The following FN1 variants were observed in gnomAD, a reference collection of about 807,000 sequenced individuals.
FN1 encodes fibronectin 1.
FN1 carries 106 observed loss-of-function variants against 297.3 expected under a neutral mutation model. The ratio of observed to expected loss-of-function variants is 0.36; its 90% CI spans 0.30 to 0.42. The LOEUF (loss-of-function observed/expected upper bound fraction) is 0.42, where lower values mean the gene tolerates loss of function less well. Ranked by LOEUF, FN1 falls within the 10% of genes least tolerant of loss-of-function variation. The probability of loss-of-function intolerance (pLI) is 1.00; values close to 1 mark genes in which losing one functional copy is unlikely to be tolerated. For synonymous variants in FN1, 1,149 were observed against 1,152.6 expected (o/e 1.00, Z 0.06); for missense variants, 2,690 against 3,124.9 (o/e 0.86, Z 3.32).
chr2:215,411,055 G>C (rs2062555558), intron 13 of FN1, among the ~76,000 whole-genome samples: 1 of 152,168 alleles, frequency 6.6e-6, no homozygotes, highest in African/African-American at 2.4e-5. Context: ...AACGAGTCTG[G>C]TTTTGTGACT....
rs1278471603 is a variant in FN1, at chr2:215,380,866, C to T, written c.5379G>A (p.Val1793=). The T allele has an allele frequency of 1.2e-6, 2 of 1,614,084 alleles. No homozygotes were observed. Among genetic ancestry groups the T allele is most frequent in the Admixed American group, 1.7e-5 (1 of 60,010 alleles). The change falls in exon 33 of 46, where the codon GTG becomes GTA. Residue 1793 remains valine (V), a synonymous_variant. Transcript: ENST00000354785. ...TCTCCATATCATCGTGCAAGGCAAC[C>T]ACACTGACTGTGTACTCAGAACCCG... The part of the protein sequence containing the change: ...LRPGSEYTVS[V]VALHDDMESQ...
Position 215,372,141 on chromosome 2 carries a change from C to G in FN1, c.6482G>C (p.Arg2161Thr). ...TTPPTTATPI[R>T]HRPRPYPPNV... The stretch of plus-strand genomic sequence containing the variant: ...CGGCGGGTATGGTCTTGGCCTATGC[C>G]TTATGGGGGTGGCCGTTGTGGGCGG... The change falls in exon 40 of 46, where the codon AGG becomes ACG. Residue 2161 changes from arginine to threonine, a missense_variant. Transcript: ENST00000354785. 6.2e-7 allele frequency: 1 copy of G among 1,614,216 alleles called. No homozygotes were observed.
At chr2:215,414,018 GA>G (rs1224718889) in intron 13 of FN1, among the ~76,000 whole-genome samples, 1 of 152,136 alleles carries the variant, frequency 6.6e-6, no homozygotes, top group Non-Finnish European at 1.5e-5. Context: ...AATTTTTCCT[GA>G]AGAGTTTAAA....
chr2:215,377,686 G>T (rs1425594091), intron 35 of FN1, among the ~76,000 whole-genome samples: 6 of 151,978 alleles, frequency 3.9e-5, no homozygotes, highest in Non-Finnish European at 8.8e-5. Context: ...AGTAATGCAA[G>T]AATGGCCTAA....
chr2:215,398,508 AT>A lies in FN1; in HGVS notation c.3349-661del, dbSNP rs1398994663. Among the ~76,000 whole-genome samples, 4 of 152,358 alleles carry A rather than the reference AT, an allele frequency of 2.6e-5. No individual in the cohort carries two copies. In the South Asian group the frequency reaches 8.3e-4, roughly 32 times the overall value. On this transcript the variant is annotated intron_variant, in intron 21 of 45. Transcript: ENST00000354785. Reference sequence around the variant, plus strand: ...AAGTCAGCATGACATTATTAAGGGAATTAAAAGGTATACTGGCACTCTTCAG... The same window carrying A: ...AAGTCAGCATGACATTATTAAGGGAATAAAAGGTATACTGGCACTCTTCAG...
In FN1 at chr2:215,388,237, T is replaced by C; in HGVS notation, c.4317A>G (p.Thr1439=). The C allele has an allele frequency of 6.2e-7, 1 of 1,613,938 alleles. No homozygotes were observed. The change falls in exon 27 of 46, where the codon ACA becomes ACG. Residue 1439 remains threonine (T), a synonymous_variant. Coordinates refer to ENST00000354785, the MANE Select transcript of FN1 (RefSeq NM_212482.4). ...CTGTTTTCTGTCTTCCTCTAAGAGG[T>C]GTGCTCTCATGTTGTTCGTAGACAC... is the stretch of plus-strand genomic sequence containing the variant. ...VSSVYEQHES[T]PLRGRQKTGL... is the part of the protein sequence containing the mutation.
chr2:215,392,161 CA>C (rs770990675), intron 25 of FN1: 6 of 285,992 alleles, frequency 2.1e-5, no homozygotes, highest in Non-Finnish European at 4.0e-5. Flanking sequence ...CAAAGAGAAA[CA>C]TAGCAGTACT....
At chr2:215,388,609 G>C (rs2059324236) in intron 26 of FN1, among the ~76,000 whole-genome samples, 1 of 152,202 alleles carries the variant, frequency 6.6e-6, no homozygotes, top group African/African-American at 2.4e-5. Flanking sequence ...GCATCCACCT[G>C]AGAGTATGTC....
At chr2:215,377,993 GA>G (rs1467182386) in intron 35 of FN1, among the ~76,000 whole-genome samples, 181 bp downstream of exon 35, 2 of 151,718 alleles carry the variant, frequency 1.3e-5, no homozygotes, top group Non-Finnish European at 2.9e-5. Flanking sequence ...TTTTTTTTAA[GA>G]GACAGGGCCT....
At position 215,378,027 on chromosome 2, in the gene FN1, C is replaced by T. The variant is rs1575342068; in HGVS notation, c.5710+148G>A. 7 of 654,834 alleles carry T rather than the reference C, an allele frequency of 1.1e-5. No homozygotes were observed. The East Asian group carries it at 1.9e-4, about 18-fold the overall frequency. The allele number at this position is 654,834 out of a possible 1,614,324, so 40.6% of individuals were successfully genotyped here. ...CCTTGCTATTTGCCCGGGTAGGTCT[C>T]AAACTCCTGGCCTCAAGTGACGCTC... On this transcript the variant is annotated intron_variant, in intron 35 of 45. Coordinates refer to ENST00000354785, the MANE Select transcript of FN1 (RefSeq NM_212482.4).
In FN1 at chr2:215,422,211, C is replaced by A. The variant is rs1251969511; in HGVS notation, c.1426G>T (p.Val476Phe). The A allele has an allele frequency of 1.2e-6, 2 of 1,613,946 alleles. No homozygotes were observed. The highest frequency in any genetic ancestry group is 1.7e-6 in the Non-Finnish European group (2 of 1,179,950). Residue 476 changes from valine (V) to phenylalanine (F), a missense_variant, in exon 10 of 46, where the codon GTC becomes TTC. Val to Phe is a conservative substitution (Grantham distance 50). Around this residue, in one of 3 missense-constraint regions of FN1, gnomAD observed 876 missense variants for 1,058.1 expected, o/e 0.83. Coordinates refer to ENST00000354785, the MANE Select transcript of FN1 (RefSeq NM_212482.4). ...HEEICTTNEGVMYRIGDQWDK... is the reference protein window; with the variant it reads ...HEEICTTNEGFMYRIGDQWDK... Reference sequence around the variant, plus strand: ...CACTGATCTCCAATGCGGTACATGACCCCTTCATTGGTTGTGCAGATTTCC... The same window carrying A: ...CACTGATCTCCAATGCGGTACATGAACCCTTCATTGGTTGTGCAGATTTCC...
intron 9 of FN1, 43 bp downstream of exon 9, chr2:215,423,307 A>C (rs1463681076): frequency 8.7e-6 from 14 of 1,605,278 alleles, no homozygotes; most frequent in African/African-American, 1.3e-5. Context: ...TCTACTCCCT[A>C]AATTGTTGTC....
At chr2:215,364,682 T>C (rs2054182486) in intron 44 of FN1, 197 bp downstream of exon 44, 3 of 616,168 alleles carry the variant, frequency 4.9e-6, no homozygotes, top group South Asian at 1.9e-5. Flanking sequence ...CTAAGAGTAA[T>C]AGAAAGAATG....
intron 6 of FN1, among the ~76,000 whole-genome samples, chr2:215,425,802 C>A (rs1040639624): frequency 1.3e-5 from 2 of 152,092 alleles, no homozygotes; most frequent in Non-Finnish European, 2.9e-5. Flanking sequence ...AAACTCCTGA[C>A]CTCAGGGGAT....
At chr2:215,379,401 G>T in intron 33 of FN1, 84 bp from the exon 34 acceptor site, 2 of 1,292,388 alleles carry the variant, frequency 1.5e-6, no homozygotes, top group Non-Finnish European at 2.2e-6. Context: ...AAGTAGAATG[G>T]ATTGTTCTTG....
chr2:215,399,486 T>C (rs1019435049), intron 20 of FN1, 135 bp from the exon 21 acceptor site: 37 of 679,020 alleles, frequency 5.4e-5, no homozygotes, highest in East Asian at 1.9e-4. Flanking sequence ...TATTTTTTCA[T>C]TGGGTGAGAA....
At chr2:215,391,158 CACA>C (rs1465351159) in intron 26 of FN1, among the ~76,000 whole-genome samples, 4 of 152,180 alleles carry the variant, frequency 2.6e-5, no homozygotes, top group East Asian at 1.9e-4. Flanking sequence ...TGACTCTCTT[CACA>C]ACAACATTCT....
At chr2:215,400,767 A>AG (rs2060905525) in intron 20 of FN1, among the ~76,000 whole-genome samples, 1 of 150,556 alleles carries the variant, frequency 6.6e-6, no homozygotes, top group Admixed American at 6.6e-5. Context: ...AAAAAAAAAA[A>AG]AAAAAAAAGA....
intron 5 of FN1, 22 bp from the exon 6 acceptor site, chr2:215,428,360 T>A: frequency 6.2e-7 from 1 of 1,612,452 alleles, no homozygotes; most frequent in South Asian, 1.1e-5. Flanking sequence ...AGGAAGCACA[T>A]ACATACATCA....
Sources: allele counts gnomAD v4.1 joint callset (sites outside exome capture counted in the v4.1 genomes callset), GRCh38; gene constraint gnomAD v4.1.1; regional missense constraint gnomAD v4.1.1; transcripts MANE v1.5; gene names NCBI Gene and HGNC (gene_info 2026-07-23, HGNC 2026-07-21).